Variants in SLC35F3 observed in about 807,000 individuals in gnomAD.
SLC35F3 encodes solute carrier family 35 member F3, also known as putative thiamine transporter SLC35F3.
Under a neutral mutation model 49.9 loss-of-function variants are expected in SLC35F3, and 25 were observed. That is an observed-to-expected ratio of 0.50 (90% CI 0.37 to 0.70). The LOEUF is 0.70. Ranked by LOEUF, SLC35F3 falls within the 30% of genes least tolerant of loss-of-function variation. The probability of loss-of-function intolerance (pLI) is 0.00; values close to 1 mark genes in which losing one functional copy is unlikely to be tolerated. For missense variants in SLC35F3, 525 were observed against 639.8 expected, an observed-to-expected ratio of 0.82 and a Z score of 1.94; for synonymous variants, 275 against 265.4, an observed-to-expected ratio of 1.04 and a Z score of -0.35.
intron 2 of SLC35F3, among the ~76,000 whole-genome samples, chr1:233,993,428 A>G (rs1183049031): frequency 6.6e-6 from 1 of 152,240 alleles, no homozygotes. Context: ...GCCCCAGCTC[A>G]CTAGCTAAAA....
At chr1:234,317,859 AAC>A (rs1426409016) in intron 5 of SLC35F3, among the ~76,000 whole-genome samples, 8 of 152,236 alleles carry the variant, frequency 5.3e-5, no homozygotes, top group East Asian at 3.8e-4. Flanking sequence ...AACAGGGAGA[AAC>A]ACAATCCACA....
intron 3 of SLC35F3, among the ~76,000 whole-genome samples, chr1:234,258,993 A>G (rs566340204): frequency 6.6e-6 from 1 of 152,348 alleles, no homozygotes; most frequent in East Asian, 1.9e-4. Context: ...TTGAATCCAG[A>G]GGAAGGTATA....
At chr1:234,127,790 A>G (rs1173790534) in intron 2 of SLC35F3, among the ~76,000 whole-genome samples, 1 of 152,234 alleles carries the variant, frequency 6.6e-6, no homozygotes, top group Non-Finnish European at 1.5e-5. Flanking sequence ...AAGCATGATA[A>G]TGTTCCCCTT....
intron 2 of SLC35F3, among the ~76,000 whole-genome samples, chr1:234,202,489 T>A (rs1558258782): frequency 6.6e-6 from 1 of 152,212 alleles, no homozygotes; most frequent in Non-Finnish European, 1.5e-5. Context: ...TACAAACCCA[T>A]TTGTAAACAC....
chr1:233,942,257 G>A (rs781042016), intron 2 of SLC35F3, among the ~76,000 whole-genome samples: 31 of 151,782 alleles, frequency 2.0e-4, no homozygotes, highest in African/African-American at 6.0e-4. Context: ...CACCGTGCCC[G>A]GCATACAGCC....
intron 2 of SLC35F3, among the ~76,000 whole-genome samples, chr1:234,197,941 G>A (rs1275808555): frequency 1.3e-5 from 2 of 152,184 alleles, no homozygotes; most frequent in African/African-American, 4.8e-5. Flanking sequence ...AGATCAAATA[G>A]GTTTATTCCT....
At chr1:234,013,225 G>A (rs753500443) in intron 2 of SLC35F3, among the ~76,000 whole-genome samples, 3 of 152,070 alleles carry the variant, frequency 2.0e-5, no homozygotes, top group East Asian at 1.9e-4. Context: ...CAACATGCTC[G>A]TGAACAACCA....
chr1:233,981,774 A>G (rs35984522), intron 2 of SLC35F3, among the ~76,000 whole-genome samples: 20,129 of 152,208 alleles, frequency 0.13, 1,738 homozygotes, highest in Admixed American at 0.22. Flanking sequence ...AGTATTTTAC[A>G]TTCCAAATAG....
intron 2 of SLC35F3, among the ~76,000 whole-genome samples, chr1:234,139,685 C>T (rs1304546418): frequency 6.6e-6 from 1 of 152,094 alleles, no homozygotes; most frequent in African/African-American, 2.4e-5. Flanking sequence ...TGCGGTGTCT[C>T]ACACCTGTAA....
chr1:234,316,154 G>A (rs1187287479), intron 4 of SLC35F3, among the ~76,000 whole-genome samples: 1 of 152,204 alleles, frequency 6.6e-6, no homozygotes, highest in African/African-American at 2.4e-5. Context: ...TGGCTTCCCT[G>A]TTGAGATATG....
chr1:233,937,726 T>G (rs12725519), intron 2 of SLC35F3, among the ~76,000 whole-genome samples: 3 of 152,230 alleles, frequency 2.0e-5, no homozygotes, highest in Middle Eastern at 3.4e-3. Context: ...CATTGCCTGG[T>G]TAGGAAGCTA....
At chr1:234,157,123 A>G (rs1251771433) in intron 2 of SLC35F3, among the ~76,000 whole-genome samples, 2 of 152,222 alleles carry the variant, frequency 1.3e-5, no homozygotes, top group Admixed American at 6.5e-5. Flanking sequence ...TATGTATCTT[A>G]TATCTCAATA....
intron 2 of SLC35F3, among the ~76,000 whole-genome samples, chr1:234,193,461 C>G (rs1394705734): frequency 6.6e-6 from 1 of 152,082 alleles, no homozygotes; most frequent in Non-Finnish European, 1.5e-5. Context: ...GATCAAGGAA[C>G]TAAATCAAAG....
intron 2 of SLC35F3, among the ~76,000 whole-genome samples, chr1:234,083,745 C>A (rs1288564549): frequency 1.3e-5 from 2 of 152,108 alleles, no homozygotes; most frequent in Non-Finnish European, 2.9e-5. Flanking sequence ...CTACTCTGAG[C>A]TTGCTGTCAA....
At chr1:234,309,821 A>G (rs759291800) in intron 4 of SLC35F3, among the ~76,000 whole-genome samples, 29 of 152,262 alleles carry the variant, frequency 1.9e-4, no homozygotes, top group Non-Finnish European at 4.0e-4. Flanking sequence ...GTACACAGCC[A>G]GAGTTGGCCA....
chr1:233,966,033 G>T (rs1662900384), intron 2 of SLC35F3, among the ~76,000 whole-genome samples: 1 of 152,152 alleles, frequency 6.6e-6, no homozygotes, highest in Non-Finnish European at 1.5e-5. Context: ...AGATGACCCA[G>T]AGTCAAGATA....
At chr1:234,048,067 T>G (rs1664320827) in intron 2 of SLC35F3, among the ~76,000 whole-genome samples, 1 of 152,128 alleles carries the variant, frequency 6.6e-6, no homozygotes, top group Non-Finnish European at 1.5e-5. Flanking sequence ...GACAAAGAAC[T>G]TCGCTGAATT....
intron 2 of SLC35F3, among the ~76,000 whole-genome samples, chr1:234,219,369 T>C (rs1331941537): frequency 6.6e-6 from 1 of 152,182 alleles, no homozygotes; most frequent in Non-Finnish European, 1.5e-5. Flanking sequence ...TTTCCCTGAT[T>C]GGCTAGCTCT....
intron 2 of SLC35F3, among the ~76,000 whole-genome samples, chr1:233,951,389 G>A (rs548096457): frequency 8.6e-5 from 13 of 151,958 alleles, no homozygotes; most frequent in African/African-American, 2.7e-4. Context: ...GACTCACCCA[G>A]AGCAACTTCT....
Sources: gnomAD v4.1 joint callset for allele counts (sites outside exome capture counted in the v4.1 genomes callset) on GRCh38, gnomAD v4.1.1 for gene constraint, MANE v1.5 for transcripts, NCBI Gene and HGNC (gene_info 2026-07-23, HGNC 2026-07-21) for gene names.